The following RALYL variants were observed in gnomAD, a reference collection of about 807,000 sequenced individuals.
RALYL encodes the protein RNA-binding Raly-like protein.
Under a neutral mutation model 35.1 loss-of-function variants are expected in RALYL, and 29 were observed. The ratio of observed to expected loss-of-function variants is 0.83; its 90% confidence interval spans 0.61 to 1.13. The LOEUF is 1.13. RALYL is among the 50% of genes most tolerant of loss of function. The probability of loss-of-function intolerance (pLI) is 0.00; values close to 1 mark genes in which losing one functional copy is unlikely to be tolerated. For missense variants in RALYL, 359 were observed against 360.4 expected, an observed-to-expected ratio of 1.00 and a Z score of 0.03; for synonymous variants, 120 against 127.6, an observed-to-expected ratio of 0.94 and a Z score of 0.40.
chr8:84,342,277 A>AATATATATATATATATAT lies in RALYL; in HGVS notation c.-24+157855_-24+157872dup, dbSNP rs57901276. Among the ~76,000 whole-genome samples, 387 of 66,108 alleles carry AATATATATATATATATAT rather than the reference A, an allele frequency of 5.9e-3. 56 individuals are homozygous for AATATATATATATATATAT. Among genetic ancestry groups the AATATATATATATATATAT allele is most frequent in the South Asian group, 8.9e-3 (22 of 2,480 alleles). The allele number at this position is 66,108 out of a possible 152,430, so 43.4% of individuals were successfully genotyped here. The stretch of plus-strand genomic sequence containing the variant: ...TGAGTGAGGGTACAGAGCATCGTTC[A>AATATATATATATATATAT]ATATATATATATATATATAAAACTC... On this transcript the variant is annotated intron_variant, in intron 1 of 8. Transcript: ENST00000521268.
At chr8:84,364,125 G>A (rs996244676) in intron 1 of RALYL, among the ~76,000 whole-genome samples, 1 of 152,096 alleles carries the variant, frequency 6.6e-6, no homozygotes, top group Non-Finnish European at 1.5e-5. Context: ...CAAAAAAGAT[G>A]GTGGGATTGA....
rs60251697 is a variant in RALYL at position 84,188,372 on chromosome 8, A to G, written c.-24+3948A>G. On this transcript the variant is annotated intron_variant, in intron 1 of 8. Coordinates refer to ENST00000521268, the MANE Select transcript of RALYL (RefSeq NM_173848.7). ...ATTTTTATGGACTTCCAGAAAGTAA[A>G]TAATAACATGTTTAAAAAGGTCCTT... is the stretch of plus-strand genomic sequence containing the variant. 4.6e-5 allele frequency among the ~76,000 whole-genome samples: 7 copies of G among 152,204 alleles called. No homozygotes were observed. In the East Asian group the frequency reaches 5.8e-4, roughly 13 times the overall value.
intron 1 of RALYL, among the ~76,000 whole-genome samples, chr8:84,491,848 G>A (rs906115466): frequency 6.6e-6 from 1 of 151,850 alleles, no homozygotes; most frequent in Non-Finnish European, 1.5e-5. Context: ...TTGTCCTAGA[G>A]CACTTGTAGG....
intron 1 of RALYL, among the ~76,000 whole-genome samples, chr8:84,431,206 C>T (rs922890787): frequency 6.6e-6 from 1 of 151,984 alleles, no homozygotes; most frequent in Non-Finnish European, 1.5e-5. Flanking sequence ...CCTCCTTCCA[C>T]TGGGGAGACA....
intron 1 of RALYL, among the ~76,000 whole-genome samples, chr8:84,488,331 A>C (rs1462153538): frequency 1.3e-5 from 2 of 152,218 alleles, no homozygotes; most frequent in African/African-American, 4.8e-5. Context: ...CAACTTTTTG[A>C]GGTCTCAACA....
At chr8:84,454,437 A>C (rs933031174) in intron 1 of RALYL, among the ~76,000 whole-genome samples, 1 of 151,904 alleles carries the variant, frequency 6.6e-6, no homozygotes, top group Non-Finnish European at 1.5e-5. Flanking sequence ...GCGATCTTTA[A>C]GGATCAATGA....
intron 1 of RALYL, among the ~76,000 whole-genome samples, chr8:84,198,528 T>C (rs1207127429): frequency 6.6e-6 from 1 of 152,160 alleles, no homozygotes; most frequent in Admixed American, 6.5e-5. Flanking sequence ...ATGATACCCT[T>C]TGGCATTATT....
At position 84,777,196 on chromosome 8, in the gene RALYL, GA is replaced by G. The variant is rs1490601496; in HGVS notation, c.332+2543del. Among the ~76,000 whole-genome samples, 4 of 152,280 alleles carry G rather than the reference GA, an allele frequency of 2.6e-5. No individual in the cohort carries two copies. In the East Asian group the frequency reaches 7.7e-4, roughly 29 times the overall value. ...GGGTTTGTTCAAGACAAGATCACAG[GA>G]TTAGGAAATGTGCTCGGTTTTCAGC... On this transcript the variant is annotated intron_variant, in intron 3 of 8. Transcript: ENST00000521268.
At chr8:84,779,216 A>C (rs182857850) in intron 3 of RALYL, among the ~76,000 whole-genome samples, 21 of 152,364 alleles carry the variant, frequency 1.4e-4, no homozygotes, top group African/African-American at 5.0e-4. Flanking sequence ...TCCCCCAGGA[A>C]GTGAGTTTTC....
At chr8:84,373,268 G>T (rs1856272125) in intron 1 of RALYL, among the ~76,000 whole-genome samples, 1 of 151,630 alleles carries the variant, frequency 6.6e-6, no homozygotes, top group Middle Eastern at 3.2e-3. Flanking sequence ...ATTGCTTTCG[G>T]CATCTTCATC....
Position 84,843,452 on chromosome 8 carries a change from T to A in RALYL, c.366-6528T>A, listed in dbSNP as rs549302637. The stretch of plus-strand genomic sequence containing the variant: ...TTCAAGGAGAACTACAAACCACTGC[T>A]CAATGAAATAAAAGAGGATACAAAG... On this transcript the variant is annotated intron_variant, in intron 4 of 8. Coordinates refer to ENST00000521268, the MANE Select transcript of RALYL (RefSeq NM_173848.7). Among the ~76,000 whole-genome samples, 574 of 152,200 alleles carry A rather than the reference T, an allele frequency of 3.8e-3. 6 individuals are homozygous for A. The highest frequency in any genetic ancestry group is 0.013 in the African/African-American group (547 of 41,538).
At chr8:84,280,719 T>C (rs1380600860) in intron 1 of RALYL, among the ~76,000 whole-genome samples, 1 of 150,714 alleles carries the variant, frequency 6.6e-6, no homozygotes, top group Non-Finnish European at 1.5e-5. Context: ...ACAAAGTACA[T>C]ATATGTCTCT....
intron 2 of RALYL, among the ~76,000 whole-genome samples, chr8:84,567,766 C>A (rs2061890370): frequency 6.7e-6 from 1 of 149,710 alleles, no homozygotes; most frequent in Admixed American, 6.7e-5. Flanking sequence ...ATTTTTAGTT[C>A]TTTGAGGTGT....
chr8:84,709,603 A>G (rs1210582787), intron 2 of RALYL, among the ~76,000 whole-genome samples: 1 of 151,066 alleles, frequency 6.6e-6, no homozygotes, highest in African/African-American at 2.5e-5. Flanking sequence ...ATGTTTTGGT[A>G]TTCTTTTTTT....
chr8:84,587,502 C>T (rs1812277193), intron 2 of RALYL, among the ~76,000 whole-genome samples: 1 of 152,166 alleles, frequency 6.6e-6, no homozygotes, highest in Admixed American at 6.5e-5. Context: ...CTAAGTTAAA[C>T]AAAAAGTATG....
chr8:84,529,160 CAAG>C, intron 1 of RALYL, 136 bp from the exon 2 acceptor site: 1 of 803,922 alleles, frequency 1.2e-6, no homozygotes, highest in Admixed American at 2.9e-5. Flanking sequence ...ATTTTATTCT[CAAG>C]AAAATCATTA....
chr8:84,838,114 G>C (rs1051556578), intron 4 of RALYL, among the ~76,000 whole-genome samples: 7 of 152,158 alleles, frequency 4.6e-5, no homozygotes, highest in African/African-American at 1.7e-4. Context: ...GGGAGAAAAG[G>C]GGTGTGGGGC....
At chr8:84,469,824 C>T (rs1463153184) in intron 1 of RALYL, among the ~76,000 whole-genome samples, 13 of 152,130 alleles carry the variant, frequency 8.5e-5, no homozygotes, top group South Asian at 2.1e-4. Context: ...GAGCCAGGTG[C>T]GGGATATAAT....
intron 1 of RALYL, among the ~76,000 whole-genome samples, chr8:84,411,820 A>C (rs942705653): frequency 3.9e-5 from 6 of 151,998 alleles, no homozygotes; most frequent in Non-Finnish European, 8.8e-5. Flanking sequence ...ATTACTGAAT[A>C]AAATAGTGGT....
Sources: gnomAD v4.1 joint callset for allele counts (sites outside exome capture counted in the v4.1 genomes callset) on GRCh38, gnomAD v4.1.1 for gene constraint, MANE v1.5 for transcripts, NCBI Gene and HGNC (gene_info 2026-07-23, HGNC 2026-07-21) for gene names.